DST: variants seen among roughly 807,000 people sequenced by gnomAD.
DST encodes the protein dystonin, also known as bullous pemphigoid antigen.
In DST, 253 loss-of-function variants were observed where a neutral mutation model predicts 875.2. The ratio of observed to expected loss-of-function variants is 0.29; its 90% CI spans 0.26 to 0.32. DST has a LOEUF of 0.32. Ranked by LOEUF, DST falls within the 10% of genes least tolerant of loss-of-function variation. DST has a pLI of 1.00. For missense variants in DST, 8,287 were observed against 9,111.6 expected (o/e 0.91, Z 3.68); for synonymous variants, 3,124 against 3,197.1 (o/e 0.98, Z 0.77).
intron 2 of DST, among the ~76,000 whole-genome samples, chr6:56,917,497 G>A (rs770146062): frequency 6.6e-5 from 10 of 152,170 alleles, no homozygotes; most frequent in Middle Eastern, 3.2e-3. Context: ...CTGTGCATAA[G>A]AAGTCACCTT....
chr6:56,462,940 A>G (rs950511409), intron 102 of DST, 106 bp downstream of exon 102: 1 of 596,780 alleles, frequency 1.7e-6, no homozygotes, highest in Non-Finnish European at 2.9e-6. Context: ...AAAAAGACAT[A>G]GGGTTAGCAA....
In DST at chr6:56,709,938, T is replaced by G. The variant is rs182282369; in HGVS notation, c.688-5569A>C. 5.9e-4 allele frequency among the ~76,000 whole-genome samples: 89 copies of G among 152,108 alleles called. No homozygotes were observed. In the East Asian group the frequency reaches 0.014, roughly 24 times the overall value. ...TATGAGTTGCAAGGAAGGAAAGCAG[T>G]GGTGAAGTCAATGAAGCATGAGGTG... On this transcript the variant is annotated intron_variant, in intron 5 of 103. Transcript: ENST00000680361.
chr6:56,807,137 G>A (rs535948894), intron 4 of DST, among the ~76,000 whole-genome samples: 45 of 152,128 alleles, frequency 3.0e-4, no homozygotes, highest in African/African-American at 1.0e-3. Context: ...TGCAACCTCC[G>A]CTTCCCAGGC....
At chr6:56,686,199 A>G (rs1027898073) in intron 9 of DST, among the ~76,000 whole-genome samples, 2 of 152,256 alleles carry the variant, frequency 1.3e-5, no homozygotes, top group Non-Finnish European at 2.9e-5. Flanking sequence ...TAACACAGGA[A>G]CAGAATACCA....
chr6:56,915,760 CAA>C (rs1800623064), intron 2 of DST, among the ~76,000 whole-genome samples: 1 of 152,090 alleles, frequency 6.6e-6, no homozygotes, highest in Admixed American at 6.5e-5. Context: ...ACTCAAGACA[CAA>C]GAGAGGACAA....
Position 56,528,918 on chromosome 6 carries a change from T to C in DST, c.17603A>G (p.Gln5868Arg). ...WKQQSELRVL[Q>R]EDILLRKQNV... ...TTGTTTCCTGAGTAAGATGTCCTCT[T>C]GCAGAACCTGAAAACACAGGTACCA... Residue 5868 changes from glutamine (Q) to arginine (R), a missense_variant, in exon 67 of 104, where the codon CAA becomes CGA. Gln to Arg is a conservative substitution (Grantham distance 43). This residue lies in a region of DST where 777 missense variants were observed against 764.8 expected (regional missense o/e 1.02). Transcript: ENST00000680361. 1 of 1,579,782 alleles carries C rather than the reference T, an allele frequency of 6.3e-7. No homozygotes were observed. The highest frequency in any genetic ancestry group is 1.3e-5 in the African/African-American group (1 of 74,628).
chr6:56,875,144 C>T (rs989800944), intron 3 of DST, among the ~76,000 whole-genome samples: 20 of 152,190 alleles, frequency 1.3e-4, no homozygotes, highest in East Asian at 7.7e-4. Context: ...CCACCACGCC[C>T]GGCTAATTTT....
chr6:56,637,932 T>C (rs1369954957), intron 22 of DST, among the ~76,000 whole-genome samples: 1 of 152,110 alleles, frequency 6.6e-6, no homozygotes, highest in Non-Finnish European at 1.5e-5. Flanking sequence ...TACCTCAAAT[T>C]AAGCTACTTT....
intron 50 of DST, among the ~76,000 whole-genome samples, chr6:56,574,645 TA>T (rs200882784): frequency 9.1e-4 from 132 of 144,658 alleles, no homozygotes; most frequent in Admixed American, 1.5e-3. Context: ...TTCAAGATGC[TA>T]AAAAAAAAAA....
chr6:56,723,912 C>G (rs2099432353), intron 5 of DST, among the ~76,000 whole-genome samples: 1 of 152,172 alleles, frequency 6.6e-6, no homozygotes, highest in Non-Finnish European at 1.5e-5. Context: ...CGCTGCTCCC[C>G]CAACCCAGGG....
chr6:56,630,475 ACATGTTCTTCACCT>A, intron 30 of DST, 92 bp from the exon 31 acceptor site: 3 of 1,123,128 alleles, frequency 2.7e-6, no homozygotes, highest in South Asian at 1.3e-5. Flanking sequence ...ACATGACATA[ACATGTTCTTCACCT>A]TGGAACACTG....
chr6:56,617,047 T>C, intron 36 of DST: 1 of 1,614,088 alleles, frequency 6.2e-7, no homozygotes, highest in Admixed American at 1.7e-5. Context: ...GGTAAAGCCC[T>C]GCAATTGAGG....
intron 13 of DST, among the ~76,000 whole-genome samples, chr6:56,647,544 C>G (rs912320535): frequency 6.6e-6 from 1 of 152,054 alleles, no homozygotes; most frequent in Non-Finnish European, 1.5e-5. Flanking sequence ...GCTTACAAAC[C>G]AAAGAATTAA....
At chr6:56,910,388 C>T (rs1444930480) in intron 2 of DST, among the ~76,000 whole-genome samples, 1 of 152,172 alleles carries the variant, frequency 6.6e-6, no homozygotes, top group African/African-American at 2.4e-5. Context: ...AAACTCCTGG[C>T]CTCAAGAATC....
At chr6:56,480,270 A>T in intron 90 of DST, among the ~76,000 whole-genome samples, 1 of 152,234 alleles carries the variant, frequency 6.6e-6, no homozygotes, top group East Asian at 1.9e-4. Context: ...AATGAAAAAA[A>T]TTTAAAACTC....
intron 36 of DST, among the ~76,000 whole-genome samples, chr6:56,622,301 T>A (rs1449634664): frequency 6.6e-6 from 1 of 152,154 alleles, no homozygotes; most frequent in Non-Finnish European, 1.5e-5. Flanking sequence ...CTGGGCACGG[T>A]GGCTCATGCC....
At chr6:56,629,041 A>C (rs1216794128) in intron 32 of DST, among the ~76,000 whole-genome samples, 2 of 152,224 alleles carry the variant, frequency 1.3e-5, no homozygotes, top group Admixed American at 1.3e-4. Context: ...AGAATACATG[A>C]ATAGTAACAG....
At chr6:56,582,305 C>A (rs1024277633) in intron 49 of DST, among the ~76,000 whole-genome samples, 1 of 152,122 alleles carries the variant, frequency 6.6e-6, no homozygotes, top group African/African-American at 2.4e-5. Context: ...AATGGTTTAC[C>A]ATCATCATCT....
chr6:56,541,861 A>G (rs1405705550), intron 61 of DST, among the ~76,000 whole-genome samples: 1 of 152,218 alleles, frequency 6.6e-6, no homozygotes, highest in African/African-American at 2.4e-5. Context: ...CCCAGCTCCC[A>G]AAGTCCCCGT....
Sources: allele counts gnomAD v4.1 joint callset (sites outside exome capture counted in the v4.1 genomes callset), GRCh38; gene constraint gnomAD v4.1.1; regional missense constraint gnomAD v4.1.1; transcripts MANE v1.5; gene names NCBI Gene and HGNC (gene_info 2026-07-23, HGNC 2026-07-21).